Variants in PDE8B observed in about 807,000 individuals in gnomAD.
PDE8B encodes high affinity cAMP-specific and IBMX-insensitive 3',5'-cyclic phosphodiesterase 8B.
PDE8B carries 26 observed loss-of-function variants against 101.3 expected under a neutral mutation model. That is an observed-to-expected ratio of 0.26 (90% CI 0.19 to 0.36). PDE8B has a LOEUF of 0.36. Among genes scored for constraint, PDE8B ranks in the 10% least tolerant of loss-of-function variants. PDE8B has a pLI of 1.00. For missense variants in PDE8B, 810 were observed against 1,163.1 expected (o/e 0.70, Z 4.42); for synonymous variants, 424 against 429.3 (o/e 0.99, Z 0.15).
chr5:77,287,815 A>G lies in PDE8B; in HGVS notation c.340-24179A>G, dbSNP rs568507516. 2.1e-3 allele frequency among the ~76,000 whole-genome samples: 319 copies of G among 152,288 alleles called. 3 individuals carry two copies. The highest frequency in any genetic ancestry group is 7.4e-3 in the African/African-American group (307 of 41,568). ...TGACTAAAATTTCCACTTGATTTTT[A>G]AAATGTTTTCTAGTTCTTTGTCAAA... On this transcript the variant is annotated intron_variant, in intron 1 of 21. Coordinates refer to ENST00000264917, the MANE Select transcript of PDE8B (RefSeq NM_003719.5).
intron 10 of PDE8B, 45 bp downstream of exon 10, chr5:77,353,451 C>A: frequency 3.7e-6 from 4 of 1,068,452 alleles, no homozygotes; most frequent in Non-Finnish European, 2.9e-6. Flanking sequence ...TTTGGCCATG[C>A]GTCACCTCTG....
At chr5:77,282,623 G>A (rs1765233166) in intron 1 of PDE8B, among the ~76,000 whole-genome samples, 1 of 151,996 alleles carries the variant, frequency 6.6e-6, no homozygotes, top group African/African-American at 2.4e-5. Context: ...CTGCTGCTCG[G>A]AGGCAGTGCC....
At chr5:77,245,316 T>G (rs1756629405) in intron 1 of PDE8B, among the ~76,000 whole-genome samples, 2 of 152,226 alleles carry the variant, frequency 1.3e-5, no homozygotes. Flanking sequence ...AATAACTTTG[T>G]TTTTTAGGGG....
At chr5:77,174,690 A>G in the PDE8B span, among the ~76,000 whole-genome samples, 3 of 152,012 alleles carry the variant, frequency 2.0e-5, no homozygotes, top group African/African-American at 7.2e-5. Flanking sequence ...CTCTGCTGGT[A>G]TCTCCTCCGC....
At chr5:77,257,770 T>C (rs1384053558) in intron 1 of PDE8B, among the ~76,000 whole-genome samples, 1 of 152,138 alleles carries the variant, frequency 6.6e-6, no homozygotes, top group East Asian at 1.9e-4. Context: ...ACCCATCCCC[T>C]AGTTATTAAG....
At chr5:77,372,201 A>AAACAACAACAACAACAAC (rs3031818) in intron 10 of PDE8B, among the ~76,000 whole-genome samples, 22 of 151,656 alleles carry the variant, frequency 1.5e-4, no homozygotes, top group Middle Eastern at 6.8e-3. Flanking sequence ...TTCTGTCTCA[A>AAACAACAACAACAACAAC]AACAACAACA....
At position 77,404,911 on chromosome 5, in the gene PDE8B, G is replaced by A. The variant is rs145877219; in HGVS notation, c.1288+114G>A. On this transcript the variant is annotated intron_variant, in intron 12 of 21. Coordinates refer to ENST00000264917, the MANE Select transcript of PDE8B (RefSeq NM_003719.5). ...CAAAGAGTAAGAGTTCAACAACACCGACTTATTTTTCAATAAGCTCAAAGG... is the reference window on the plus strand; with the variant it reads ...CAAAGAGTAAGAGTTCAACAACACCAACTTATTTTTCAATAAGCTCAAAGG... The A allele has an allele frequency of 1.0e-3, 707 of 704,004 alleles. 2 individuals carry two copies. Among genetic ancestry groups the A allele is most frequent in the South Asian group, 2.2e-3 (144 of 65,264 alleles). The allele number at this position is 704,004 out of a possible 1,614,324, so 43.6% of individuals were successfully genotyped here. A position where few individuals can be genotyped will look rare whatever the true frequency, so the allele number is the denominator to read the frequency against.
chr5:77,290,142 T>A (rs2149931036), intron 1 of PDE8B: 1 of 1,250,354 alleles, frequency 8.0e-7, no homozygotes, highest in Middle Eastern at 2.1e-4. Context: ...GTTCCACGTG[T>A]GGAAAATGAA....
chr5:77,240,148 ATTTGTTTTGT>A (rs1244841415), intron 1 of PDE8B, among the ~76,000 whole-genome samples: 2 of 151,620 alleles, frequency 1.3e-5, no homozygotes, highest in South Asian at 2.1e-4. Context: ...GGCAATTTAA[ATTTGTTTTGT>A]TTTGTTTTGT....
chr5:77,211,128 G>T lies in PDE8B; in HGVS notation c.203G>T (p.Arg68Leu). 2 of 1,505,172 alleles carry T rather than the reference G, an allele frequency of 1.3e-6. No individual in the cohort carries two copies. The highest frequency in any genetic ancestry group is 1.8e-6 in the Non-Finnish European group (2 of 1,134,360). 93.2% of individuals were successfully genotyped at this position (1,505,172 alleles called of 1,614,324 possible). A position where few individuals can be genotyped will look rare whatever the true frequency, so the allele number is the denominator to read the frequency against. Reference protein sequence around the residue: ...ASGPPSVARVRRARTELGSGS... With the variant: ...ASGPPSVARVLRARTELGSGS... ...GGACCCCCCAGCGTAGCCCGCGTCC[G>T]CAGGGCCCGCACCGAGCTGGGCAGC... The change falls in exon 1 of 22, where the codon CGC becomes CTC. Residue 68 changes from arginine to leucine, a missense_variant. Around this residue, in one of 4 missense-constraint regions of PDE8B, gnomAD observed 159 missense variants for 146.6 expected, o/e 1.08. Transcript: ENST00000264917. This position sits in a 1 kb window ranked among gnomAD's most constrained non-coding sequence, Gnocchi z 4.1.
In PDE8B at chr5:77,278,096, G is replaced by A. The variant is rs78994300; in HGVS notation, c.340-33898G>A. On this transcript the variant is annotated intron_variant, in intron 1 of 21. Coordinates refer to ENST00000264917, the MANE Select transcript of PDE8B (RefSeq NM_003719.5). ...TCAGCTGCCATTTCCTGGGACCATC[G>A]CTGGGTCTTTATAATTCTCATGTTT... Among the ~76,000 whole-genome samples the A allele has an allele frequency of 6.9e-3, 1,053 of 152,180 alleles. 15 individuals are homozygous for A. Among genetic ancestry groups the A allele is most frequent in the African/African-American group, 0.024 (998 of 41,524 alleles).
intron 1 of PDE8B, among the ~76,000 whole-genome samples, chr5:77,279,326 G>C (rs1350887778): frequency 6.6e-6 from 1 of 152,122 alleles, no homozygotes; most frequent in Non-Finnish European, 1.5e-5. Context: ...TTTATTTTAT[G>C]CTGTATCTTG....
the PDE8B span, among the ~76,000 whole-genome samples, chr5:77,163,168 A>G: frequency 1.3e-5 from 2 of 152,244 alleles, no homozygotes; most frequent in Non-Finnish European, 2.9e-5. Flanking sequence ...TCGTGATAGA[A>G]ATGAGGGTCA....
chr5:77,350,253 A>C (rs2150438857), intron 8 of PDE8B, among the ~76,000 whole-genome samples: 1 of 152,296 alleles, frequency 6.6e-6, no homozygotes, highest in South Asian at 2.1e-4. Flanking sequence ...TAGAGGGAAC[A>C]TTTTAGAGGG....
At chr5:77,245,179 C>T (rs1406016356) in intron 1 of PDE8B, among the ~76,000 whole-genome samples, 1 of 152,180 alleles carries the variant, frequency 6.6e-6, no homozygotes, top group Non-Finnish European at 1.5e-5. Context: ...CATTGTCATA[C>T]AGGCTTTGCA....
chr5:77,190,175 T>C, the PDE8B span, among the ~76,000 whole-genome samples: 1 of 152,188 alleles, frequency 6.6e-6, no homozygotes, highest in Non-Finnish European at 1.5e-5. Flanking sequence ...TCAAGGGTGA[T>C]TGTGGTCTGG....
At chr5:77,267,705 G>A (rs1273230488) in intron 1 of PDE8B, among the ~76,000 whole-genome samples, 1 of 152,180 alleles carries the variant, frequency 6.6e-6, no homozygotes, top group Non-Finnish European at 1.5e-5. Flanking sequence ...ATCAGTGCGT[G>A]TTTCTCACAA....
At chr5:77,266,700 T>C (rs1761775716) in intron 1 of PDE8B, among the ~76,000 whole-genome samples, 1 of 152,176 alleles carries the variant, frequency 6.6e-6, no homozygotes, top group Non-Finnish European at 1.5e-5. Context: ...GAGCAATGAT[T>C]CAATATTTAT....
intron 1 of PDE8B, among the ~76,000 whole-genome samples, chr5:77,306,718 T>C (rs1238740885): frequency 6.6e-6 from 1 of 152,220 alleles, no homozygotes; most frequent in Non-Finnish European, 1.5e-5. Context: ...GCTGCAGCAA[T>C]CACCTCTAGA....
Sources: gnomAD v4.1 joint callset for allele counts (sites outside exome capture counted in the v4.1 genomes callset) on GRCh38, gnomAD v4.1.1 for gene constraint, gnomAD v4.1.1 regional missense constraint, Gnocchi (gnomAD v3.1) non-coding constraint, MANE v1.5 for transcripts, NCBI Gene and HGNC (gene_info 2026-07-23, HGNC 2026-07-21) for gene names.